Variants in USH2A observed in about 807,000 individuals in gnomAD.
USH2A encodes the protein usherin.
Under a neutral mutation model 538.9 loss-of-function variants are expected in USH2A, and 443 were observed. The ratio of observed to expected loss-of-function variants is 0.82; its 90% CI spans 0.76 to 0.89. The LOEUF (loss-of-function observed/expected upper bound fraction) is 0.89. USH2A is among the 40% of genes least tolerant of loss of function. The probability of loss-of-function intolerance (pLI) is 0.00; values close to 1 mark genes in which losing one functional copy is unlikely to be tolerated. For missense variants in USH2A, 6,633 were observed against 6,324.8 expected, an observed-to-expected ratio of 1.05 and a Z score of -1.65; for synonymous variants, 2,413 against 2,273.5, an observed-to-expected ratio of 1.06 and a Z score of -1.75.
chr1:215,811,492 A>G (rs573262793), intron 49 of USH2A, among the ~76,000 whole-genome samples: 1 of 152,142 alleles, frequency 6.6e-6, no homozygotes, highest in Non-Finnish European at 1.5e-5. Context: ...ATCTGATCCT[A>G]TAGTCCCCAT....
intron 30 of USH2A, among the ~76,000 whole-genome samples, chr1:216,060,407 A>T (rs1485433757): frequency 2.0e-5 from 3 of 152,204 alleles, no homozygotes; most frequent in African/African-American, 7.2e-5. Context: ...CAGGTAAAAA[A>T]ATTAAGTCCA....
At chr1:215,779,767 C>T (rs529873313) in intron 55 of USH2A, 76 bp downstream of exon 55, 3 of 1,556,938 alleles carry the variant, frequency 1.9e-6, no homozygotes, top group Admixed American at 1.7e-5. Context: ...CAAACACACA[C>T]CCCTGGGATG....
At chr1:215,740,616 T>C (rs1660273093) in intron 60 of USH2A, among the ~76,000 whole-genome samples, 1 of 152,206 alleles carries the variant, frequency 6.6e-6, no homozygotes, top group Admixed American at 6.5e-5. Context: ...AACTTTTTAA[T>C]CTCTACATAA....
At position 215,625,864 on chromosome 1, in the gene USH2A, C is replaced by T. The variant is rs774383785; in HGVS notation, c.15526G>A (p.Asp5176Asn). ...IMGHNSGLYV[D>N]EEDLMNAIKD... ...ATGGCGTTCATCAGGTCCTCTTCAT[C>T]CACATACTGAAAAATAAGCCAATCA... The change falls in exon 72 of 72, where the codon GAT (aspartate) becomes AAT (asparagine). Residue 5176 changes from aspartate (D) to asparagine (N), a missense_variant. Asp to Asn is a conservative substitution (Grantham distance 23). Coordinates refer to ENST00000307340, the MANE Select transcript of USH2A (RefSeq NM_206933.4). 6.2e-7 allele frequency: 1 copy of T among 1,614,024 alleles called. No individual in the cohort carries two copies. The highest frequency in any genetic ancestry group is 1.3e-5 in the African/African-American group (1 of 75,032).
intron 21 of USH2A, among the ~76,000 whole-genome samples, chr1:216,168,759 G>A (rs2034219014): frequency 6.6e-6 from 1 of 152,082 alleles, no homozygotes; most frequent in African/African-American, 2.4e-5. Context: ...ATATTTTGCA[G>A]TCCCTTAACT....
chr1:216,357,141 T>G (rs953929644), intron 4 of USH2A, among the ~76,000 whole-genome samples: 1 of 151,724 alleles, frequency 6.6e-6, no homozygotes, highest in Non-Finnish European at 1.5e-5. Context: ...CAAATTTTAA[T>G]TAATCAGCAG....
rs573048236 is a variant in USH2A, at chr1:216,330,586, A to T, written c.785-2932T>A. On this transcript the variant is annotated intron_variant, in intron 4 of 71. Transcript: ENST00000307340. Reference sequence around the variant, plus strand: ...GAATAAAAGGGGGGAGGTTATTAGAAGGTTAGGTCAGACAAGTAGCTGGCT... The same window carrying T: ...GAATAAAAGGGGGGAGGTTATTAGATGGTTAGGTCAGACAAGTAGCTGGCT... 2.6e-5 allele frequency among the ~76,000 whole-genome samples: 4 copies of T among 152,012 alleles called. No homozygotes were observed. The South Asian group carries it at 6.2e-4, about 24-fold the overall frequency.
intron 60 of USH2A, 121 bp from the exon 61 acceptor site, chr1:215,728,505 C>G: frequency 1.0e-6 from 1 of 986,030 alleles, no homozygotes. Context: ...CTGTTTCTTC[C>G]TGGTGTCATA....
chr1:215,873,267 A>C (rs1664670850), intron 43 of USH2A, among the ~76,000 whole-genome samples: 1 of 152,166 alleles, frequency 6.6e-6, no homozygotes, highest in Non-Finnish European at 1.5e-5. Context: ...TCTTAGACTC[A>C]ATTTTTATTC....
rs779772574 is a variant in USH2A, at chr1:215,999,009, A to G, written c.6535T>C (p.Tyr2179His). The G allele has an allele frequency of 1.9e-6, 3 of 1,612,880 alleles. No individual in the cohort carries two copies. The highest frequency in any genetic ancestry group is 2.2e-5 in the South Asian group (2 of 91,018). The stretch of plus-strand genomic sequence containing the variant: ...AAATCATGTGTATGGTTTGACATAT[A>G]TAATACATAGCGTTCCAGAATCCCA... ...ISGILERYVL[Y>H]MSNHTHDFTI... Residue 2179 changes from tyrosine (Y) to histidine (H), a missense_variant, in exon 34 of 72, where the codon TAT (tyrosine) becomes CAT (histidine). Coordinates refer to ENST00000307340, the MANE Select transcript of USH2A (RefSeq NM_206933.4).
chr1:215,816,160 C>A (rs915957856), intron 48 of USH2A, among the ~76,000 whole-genome samples: 1 of 151,904 alleles, frequency 6.6e-6, no homozygotes, highest in Non-Finnish European at 1.5e-5. Flanking sequence ...TAATTTTATA[C>A]AAATATGTTC....
At chr1:216,217,690 C>T in intron 14 of USH2A, 140 bp from the exon 15 acceptor site, 1 of 968,172 alleles carries the variant, frequency 1.0e-6, no homozygotes. Context: ...TTGAGCTAAA[C>T]AAACAAAGAA....
chr1:216,032,192 C>CTTTT (rs536151774), intron 32 of USH2A, among the ~76,000 whole-genome samples: 1 of 150,948 alleles, frequency 6.6e-6, no homozygotes, highest in East Asian at 1.9e-4. Flanking sequence ...TAGAGACATG[C>CTTTT]TTTTTTTTTG....
chr1:215,675,018 T>C lies in USH2A; in HGVS notation c.12893A>G (p.Tyr4298Cys), dbSNP rs1657962849. 2 of 1,614,028 alleles carry C rather than the reference T, an allele frequency of 1.2e-6. No individual in the cohort carries two copies. Among genetic ancestry groups the C allele is most frequent in the Non-Finnish European group, 1.7e-6 (2 of 1,180,028 alleles). The part of the protein sequence containing the change: ...PEQSNGIIQS[Y>C]RLQRNEMLYP... ...GAGCATTTCATTCCTTTGAAGCCTATAGGACTGGATAATACCATTAGACTG... is the reference window on the plus strand; with the variant it reads ...GAGCATTTCATTCCTTTGAAGCCTACAGGACTGGATAATACCATTAGACTG... The change falls in exon 63 of 72, where the codon TAT becomes TGT. Residue 4298 changes from tyrosine (Y) to cysteine (C), a missense_variant. Coordinates refer to ENST00000307340, the MANE Select transcript of USH2A (RefSeq NM_206933.4).
chr1:216,073,418 G>A (rs2102549406), intron 27 of USH2A, 118 bp from the exon 28 acceptor site: 1 of 1,078,344 alleles, frequency 9.3e-7, no homozygotes, highest in East Asian at 2.6e-5. Context: ...ACAATTGCTA[G>A]ACTTTCGAGT....
chr1:215,693,447 AC>A (rs1304076942), intron 61 of USH2A, among the ~76,000 whole-genome samples: 1 of 152,110 alleles, frequency 6.6e-6, no homozygotes, highest in Non-Finnish European at 1.5e-5. Context: ...TAAATGTCTT[AC>A]CTAGAGTCAT....
At chr1:216,087,212 A>C (rs1399580219) in intron 23 of USH2A, among the ~76,000 whole-genome samples, 2 of 152,156 alleles carry the variant, frequency 1.3e-5, no homozygotes, top group Admixed American at 1.3e-4. Context: ...GAGAAGAGGC[A>C]AAGTTATTTG....
chr1:215,906,197 CA>C (rs1349593889), intron 38 of USH2A, among the ~76,000 whole-genome samples: 3 of 152,002 alleles, frequency 2.0e-5, no homozygotes, highest in Admixed American at 6.6e-5. Flanking sequence ...ACAAACAGAG[CA>C]GCATTAAATA....
At chr1:215,947,068 A>G (rs1666778388) in intron 37 of USH2A, among the ~76,000 whole-genome samples, 1 of 150,458 alleles carries the variant, frequency 6.6e-6, no homozygotes, top group Non-Finnish European at 1.5e-5. Context: ...AACTGAGACT[A>G]AGTCACTCTG....
Sources: gnomAD v4.1 joint callset for allele counts (sites outside exome capture counted in the v4.1 genomes callset) on GRCh38, gnomAD v4.1.1 for gene constraint, MANE v1.5 for transcripts, NCBI Gene and HGNC (gene_info 2026-07-23, HGNC 2026-07-21) for gene names.